RGS22: variants seen among roughly 807,000 people sequenced by gnomAD.
RGS22 encodes regulator of G protein signaling 22, also known as regulator of G-protein signaling 22.
RGS22 carries 148 observed loss-of-function variants against 172.9 expected under a neutral mutation model. That is an observed-to-expected ratio of 0.86 (90% CI 0.75 to 0.98). The LOEUF is 0.98. Ranked by LOEUF, RGS22 falls within the 50% of genes least tolerant of loss-of-function variation. RGS22 has a pLI of 0.00. For missense variants in RGS22, 1,347 were observed against 1,440.8 expected, an observed-to-expected ratio of 0.93 and a Z score of 1.05; for synonymous variants, 458 against 480.2, an observed-to-expected ratio of 0.95 and a Z score of 0.60.
At chr8:100,071,223 G>A in intron 6 of RGS22, 146 bp downstream of exon 6, 1 of 606,024 alleles carries the variant, frequency 1.7e-6, no homozygotes, top group East Asian at 3.4e-5. Context: ...GGGAGATGGA[G>A]GCTGCAGTGA....
At chr8:100,001,237 T>TA (rs529176374) in intron 18 of RGS22, among the ~76,000 whole-genome samples, 1 of 57,160 alleles carries the variant, frequency 1.7e-5, no homozygotes, top group Non-Finnish European at 4.3e-5. Flanking sequence ...TATATATACA[T>TA]TTTTTTTTTT....
intron 22 of RGS22, among the ~76,000 whole-genome samples, chr8:99,978,754 T>C (rs1812241467): frequency 1.3e-5 from 2 of 152,170 alleles, no homozygotes; most frequent in African/African-American, 2.4e-5. Flanking sequence ...TTCCATTAGT[T>C]CCAGAGGCAT....
intron 10 of RGS22, among the ~76,000 whole-genome samples, chr8:100,049,376 G>A (rs1263286147): frequency 6.6e-6 from 1 of 152,146 alleles, no homozygotes; most frequent in African/African-American, 2.4e-5. Context: ...CAAGGAGACA[G>A]AGAGTGAGAC....
chr8:100,060,445 C>G (rs1001128420), intron 9 of RGS22, among the ~76,000 whole-genome samples: 1 of 117,166 alleles, frequency 8.5e-6, no homozygotes, highest in African/African-American at 2.7e-5. Flanking sequence ...CACACACGCA[C>G]CCCAACTTTA....
chr8:100,068,454 A>C (rs1368571378), intron 6 of RGS22, among the ~76,000 whole-genome samples: 1 of 152,206 alleles, frequency 6.6e-6, no homozygotes, highest in Admixed American at 6.5e-5. Context: ...TGAGTTTTTT[A>C]ATCTCAGAAA....
Position 99,982,106 on chromosome 8 carries a change from T to C in RGS22, c.3191A>G (p.His1064Arg). 6.2e-7 allele frequency: 1 copy of C among 1,611,998 alleles called. No individual in the cohort carries two copies. The highest frequency in any genetic ancestry group is 8.5e-7 in the Non-Finnish European group (1 of 1,178,804). Residue 1064 changes from histidine (H) to arginine (R), a missense_variant, in exon 22 of 28, where the codon CAT becomes CGT. Coordinates refer to ENST00000360863, the MANE Select transcript of RGS22 (RefSeq NM_015668.5). Reference sequence around the variant, plus strand: ...GATGACAGACTCATCACAATGAGAATGGCACAAGTCCTGAACAGAAGGAAA... The same window carrying C: ...GATGACAGACTCATCACAATGAGAACGGCACAAGTCCTGAACAGAAGGAAA... ...QEVQKYKDLC[H>R]SHCDESVIQK...
chr8:100,077,127 T>C lies in RGS22; in HGVS notation c.339+3007A>G, dbSNP rs182356250. On this transcript the variant is annotated intron_variant, in intron 4 of 27. Transcript: ENST00000360863. ...GACATCCCCTTTTCATTTCTGATATTGGGCATGTATATCTTTCTCTTTTTC... is the reference window on the plus strand; with the variant it reads ...GACATCCCCTTTTCATTTCTGATATCGGGCATGTATATCTTTCTCTTTTTC... Among the ~76,000 whole-genome samples, 1,207 of 152,332 alleles carry C rather than the reference T, an allele frequency of 7.9e-3. 3 individuals carry two copies. The highest frequency in any genetic ancestry group is 0.014 in the Non-Finnish European group (930 of 68,022).
intron 12 of RGS22, among the ~76,000 whole-genome samples, chr8:100,040,823 G>A (rs999340222): frequency 2.0e-5 from 3 of 151,888 alleles, no homozygotes; most frequent in African/African-American, 7.3e-5. Context: ...AAAAATTTAG[G>A]GTTTAAGTAA....
In RGS22 at chr8:100,090,272, A is replaced by G. The variant is rs566654470; in HGVS notation, c.117+3175T>C. On this transcript the variant is annotated intron_variant, in intron 3 of 27. Transcript: ENST00000360863. ...CTAAGATCATGCTGGTAAGAGTGGAAAAGCTGGAATCAAACACAGTTCTCT... is the reference window on the plus strand; with the variant it reads ...CTAAGATCATGCTGGTAAGAGTGGAGAAGCTGGAATCAAACACAGTTCTCT... Among the ~76,000 whole-genome samples, 90 of 152,304 alleles carry G rather than the reference A, an allele frequency of 5.9e-4. 2 individuals are homozygous for G. In the South Asian group the frequency reaches 0.019, roughly 32 times the overall value.
chr8:99,993,818 A>T (rs1814036432), intron 20 of RGS22, among the ~76,000 whole-genome samples: 1 of 152,230 alleles, frequency 6.6e-6, no homozygotes, highest in Non-Finnish European at 1.5e-5. Flanking sequence ...ACGAAAAAAG[A>T]GAATTTTAGA....
intron 14 of RGS22, among the ~76,000 whole-genome samples, chr8:100,032,037 C>G (rs2131543213): frequency 6.6e-6 from 1 of 152,300 alleles, no homozygotes; most frequent in South Asian, 2.1e-4. Flanking sequence ...TGGAAAGGAA[C>G]AACCAGTACC....
rs71512460 is a variant in RGS22 at position 100,058,171 on chromosome 8, C to CAA, written c.1514+4418_1514+4419dup. Among the ~76,000 whole-genome samples the CAA allele has an allele frequency of 1.5e-3, 84 of 56,104 alleles. 1 individual carries two copies. The highest frequency in any genetic ancestry group is 3.6e-3 in the African/African-American group (73 of 20,210). The allele number at this position is 56,104 out of a possible 152,430, so 36.8% of individuals were successfully genotyped here. ...GCTATTTGAAAATACACAGAGGAGA[C>CAA]AAAAAAAAAAAAAAACAACAACAAT... is the stretch of plus-strand genomic sequence containing the variant. On this transcript the variant is annotated intron_variant, in intron 9 of 27. Transcript: ENST00000360863.
intron 22 of RGS22, 143 bp from the exon 23 acceptor site, chr8:99,978,218 G>C (rs1192555345): frequency 2.1e-6 from 1 of 470,490 alleles, no homozygotes; most frequent in Non-Finnish European, 3.7e-6. Flanking sequence ...TCTTGGTATA[G>C]TTTTGCTCAG....
At chr8:100,094,373 T>C (rs990431939) in intron 2 of RGS22, among the ~76,000 whole-genome samples, 1 of 152,216 alleles carries the variant, frequency 6.6e-6, no homozygotes, top group Non-Finnish European at 1.5e-5. Context: ...GGCTGATTAC[T>C]TTCTTTTTAT....
chr8:100,099,733 C>T (rs1813312771), intron 2 of RGS22, among the ~76,000 whole-genome samples: 1 of 152,140 alleles, frequency 6.6e-6, no homozygotes, highest in African/African-American at 2.4e-5. Flanking sequence ...TGAAAGAATT[C>T]CAAATAGCAT....
chr8:100,064,643 T>C (rs1810410647), intron 7 of RGS22, among the ~76,000 whole-genome samples: 1 of 152,146 alleles, frequency 6.6e-6, no homozygotes, highest in Non-Finnish European at 1.5e-5. Flanking sequence ...TATACAAAAA[T>C]ACATTATGTA....
intron 14 of RGS22, among the ~76,000 whole-genome samples, chr8:100,035,555 T>C (rs1819354875): frequency 6.6e-6 from 1 of 152,166 alleles, no homozygotes; most frequent in African/African-American, 2.4e-5. Context: ...GTGTGGCAAT[T>C]CCTCCAAGAT....
chr8:100,044,616 A>G (rs573276010), intron 11 of RGS22, among the ~76,000 whole-genome samples: 2 of 135,334 alleles, frequency 1.5e-5, no homozygotes, highest in Admixed American at 1.5e-4. Context: ...CATCTCTCAG[A>G]TTACCCTTTC....
intron 20 of RGS22, among the ~76,000 whole-genome samples, chr8:99,993,010 A>G (rs1215803190): frequency 6.6e-6 from 1 of 152,220 alleles, no homozygotes; most frequent in Non-Finnish European, 1.5e-5. Context: ...TTGCTCCTGA[A>G]TGACTACTGG....
Sources: gnomAD v4.1 joint callset for allele counts (sites outside exome capture counted in the v4.1 genomes callset) on GRCh38, gnomAD v4.1.1 for gene constraint, MANE v1.5 for transcripts, NCBI Gene and HGNC (gene_info 2026-07-23, HGNC 2026-07-21) for gene names.